Variants in GABRA5 observed in about 807,000 individuals in gnomAD.
GABRA5 encodes the protein gamma-aminobutyric acid type A receptor subunit alpha5, also known as gamma-aminobutyric acid receptor subunit alpha-5.
GABRA5 carries 18 observed loss-of-function variants against 47.3 expected under a neutral mutation model. The ratio of observed to expected loss-of-function variants is 0.38; its 90% CI spans 0.26 to 0.56. GABRA5 has a LOEUF of 0.56. GABRA5 is among the 20% of genes least tolerant of loss of function. The probability of loss-of-function intolerance (pLI) is 0.71; values close to 1 mark genes in which losing one functional copy is unlikely to be tolerated. For synonymous variants in GABRA5, 237 were observed against 229.3 expected (o/e 1.03, Z -0.30); for missense variants, 365 against 599.3 (o/e 0.61, Z 4.08).
intron 6 of GABRA5, among the ~76,000 whole-genome samples, chr15:26,909,242 G>A (rs1192451604): frequency 6.6e-6 from 1 of 152,108 alleles, no homozygotes; most frequent in Non-Finnish European, 1.5e-5. Context: ...CAGATTTCCT[G>A]CTCTGATTCT....
Position 26,867,750 on chromosome 15 carries a change from T to G in GABRA5, c.-140+639T>G, listed in dbSNP as rs1741180381. On this transcript the variant is annotated intron_variant, in intron 1 of 10. Transcript: ENST00000335625. This position sits in a 1 kb window ranked among gnomAD's most constrained non-coding sequence, Gnocchi z 5.9. ...AAAGCCAGCGTCAGCCCCGGGGCTC[T>G]GAGGCGCGCGGCGTCCCGGCGCTGC... 1 of 151,854 alleles carries G rather than the reference T, an allele frequency of 6.6e-6. No homozygotes were observed. The highest frequency in any genetic ancestry group is 1.5e-5 in the Non-Finnish European group (1 of 67,964). 9.4% of individuals were successfully genotyped at this position (151,854 alleles called of 1,614,324 possible).
intron 6 of GABRA5, among the ~76,000 whole-genome samples, chr15:26,913,182 C>CAAAAAA (rs34449696): frequency 8.7e-6 from 1 of 115,388 alleles, no homozygotes; most frequent in South Asian, 3.1e-4. Flanking sequence ...GACTCTGTCT[C>CAAAAAA]AAAAAAAAAA....
rs141074581 is a variant in GABRA5 at position 26,875,022 on chromosome 15, T to G, written c.86+5688T>G. On this transcript the variant is annotated intron_variant, in intron 3 of 10. Coordinates refer to ENST00000335625, the MANE Select transcript of GABRA5 (RefSeq NM_000810.4). ...TACTTCACCTGCCTGCAACTCAGTT[T>G]CTAATCTCAATGTGGGATTAATCAT... 2.4e-3 allele frequency among the ~76,000 whole-genome samples: 361 copies of G among 152,354 alleles called. 9 individuals are homozygous for G. The East Asian group carries it at 0.057, about 24-fold the overall frequency.
chr15:26,921,119 T>TATTGAA (rs1490053726), intron 7 of GABRA5, among the ~76,000 whole-genome samples: 4 of 152,172 alleles, frequency 2.6e-5, no homozygotes, highest in Non-Finnish European at 5.9e-5. Context: ...TTTGTTTTGG[T>TATTGAA]GCCAGGGTAA....
At position 26,883,159 on chromosome 15, in the gene GABRA5, C is replaced by T; in HGVS notation, c.209-7C>T. ...GTGCAGCCCAGGGACCTGTGTCTGT[C>T]TTTCAGAGCGCATCACTCAGGTGAG... On this transcript the variant is annotated splice_polypyrimidine_tract_variant and splice_region_variant and intron_variant, in intron 4 of 10. Transcript: ENST00000335625. The surrounding 1 kb of genome is among the most constrained non-coding windows in gnomAD (Gnocchi z 4.8). 2 of 1,613,408 alleles carry T rather than the reference C, an allele frequency of 1.2e-6. No homozygotes were observed. Among genetic ancestry groups the T allele is most frequent in the South Asian group, 2.2e-5 (2 of 91,068 alleles).
At chr15:26,929,335 TC>T (rs1405159217) in intron 7 of GABRA5, among the ~76,000 whole-genome samples, 2 of 152,124 alleles carry the variant, frequency 1.3e-5, no homozygotes, top group Non-Finnish European at 2.9e-5. Flanking sequence ...GCAGAGAAAG[TC>T]CAGAACCGAG....
At chr15:26,939,679 T>G in intron 8 of GABRA5, 1 of 595,696 alleles carries the variant, frequency 1.7e-6, no homozygotes, top group South Asian at 2.0e-5. Flanking sequence ...CACACAAATC[T>G]GATTTTCCCC....
chr15:26,933,277 G>C (rs1023335620), intron 7 of GABRA5, among the ~76,000 whole-genome samples: 1 of 152,084 alleles, frequency 6.6e-6, no homozygotes, highest in Admixed American at 6.6e-5. Context: ...ATGTAGAGGG[G>C]AAAAGAGGGA....
intron 6 of GABRA5, among the ~76,000 whole-genome samples, chr15:26,891,168 C>T (rs1892996682): frequency 6.6e-6 from 1 of 152,218 alleles, no homozygotes; most frequent in Non-Finnish European, 1.5e-5. Context: ...CTCGGGCACA[C>T]ATCTCACACA....
At chr15:26,896,528 A>G (rs1158368794) in intron 6 of GABRA5, among the ~76,000 whole-genome samples, 1 of 152,206 alleles carries the variant, frequency 6.6e-6, no homozygotes, top group African/African-American at 2.4e-5. Flanking sequence ...AATGTTTACT[A>G]GAAATAAACA....
intron 3 of GABRA5, among the ~76,000 whole-genome samples, chr15:26,874,761 T>C (rs1892552018): frequency 1.4e-5 from 2 of 144,308 alleles, no homozygotes; most frequent in Admixed American, 1.4e-4. Flanking sequence ...TGTATTTATT[T>C]AACAACTTAT....
chr15:26,931,795 C>T (rs1178856709), intron 7 of GABRA5, among the ~76,000 whole-genome samples: 2 of 152,126 alleles, frequency 1.3e-5, no homozygotes, highest in Non-Finnish European at 2.9e-5. Flanking sequence ...CAAATGGCCA[C>T]CGATCAGTTG....
intron 8 of GABRA5, among the ~76,000 whole-genome samples, chr15:26,938,186 C>T (rs551347350): frequency 1.4e-4 from 22 of 152,212 alleles, no homozygotes; most frequent in Non-Finnish European, 2.6e-4. Context: ...TGCACACACA[C>T]GCAGTCAGCA....
intron 3 of GABRA5, among the ~76,000 whole-genome samples, chr15:26,879,873 C>T (rs780845019): frequency 6.6e-6 from 1 of 152,200 alleles, no homozygotes; most frequent in Non-Finnish European, 1.5e-5. Context: ...CCAGGGCACT[C>T]GCTTCTTGGG....
chr15:26,898,441 G>A (rs550534369), intron 6 of GABRA5, among the ~76,000 whole-genome samples: 43 of 152,310 alleles, frequency 2.8e-4, no homozygotes, highest in African/African-American at 9.9e-4. Context: ...AAGAGTCTGC[G>A]TTGTTAAAAC....
At chr15:26,880,183 CT>C (rs1211004779) in intron 3 of GABRA5, among the ~76,000 whole-genome samples, 1 of 152,202 alleles carries the variant, frequency 6.6e-6, no homozygotes, top group East Asian at 1.9e-4. Context: ...GTTCTTGTGT[CT>C]TCCCTGAGGG....
At chr15:26,917,813 A>G (rs1893753091) in intron 7 of GABRA5, among the ~76,000 whole-genome samples, 1 of 151,950 alleles carries the variant, frequency 6.6e-6, no homozygotes, top group Non-Finnish European at 1.5e-5. Context: ...CTAGGAATTT[A>G]CCAATTTCTT....
chr15:26,945,402 T>C (rs1421165444), intron 10 of GABRA5, among the ~76,000 whole-genome samples: 2 of 152,182 alleles, frequency 1.3e-5, no homozygotes. Flanking sequence ...AAACACTGGG[T>C]CAGAGTTTGG....
In GABRA5 at chr15:26,867,117, AGCGGGCGCGAGT is replaced by A. The variant is rs930909892; in HGVS notation, c.-140+10_-140+21del. ...ACATGTGGCGCTCGGGCGAGGTGAGAGCGGGCGCGAGTGCGCCGGGGGCGCTGGGGGGCTCTG... is the reference window on the plus strand; with the variant it reads ...ACATGTGGCGCTCGGGCGAGGTGAGAGCGCCGGGGGCGCTGGGGGGCTCTG... On this transcript the variant is annotated splice_region_variant and intron_variant, in intron 1 of 10. Coordinates refer to ENST00000335625, the MANE Select transcript of GABRA5 (RefSeq NM_000810.4). The surrounding 1 kb of genome is among the most constrained non-coding windows in gnomAD (Gnocchi z 5.9). 1 of 151,680 alleles carries A rather than the reference AGCGGGCGCGAGT, an allele frequency of 6.6e-6. No homozygotes were observed. The highest frequency in any genetic ancestry group is 1.5e-5 in the Non-Finnish European group (1 of 67,922). 9.4% of individuals were successfully genotyped at this position (151,680 alleles called of 1,614,324 possible).
Sources: gnomAD v4.1 joint callset for allele counts (sites outside exome capture counted in the v4.1 genomes callset) on GRCh38, gnomAD v4.1.1 for gene constraint, Gnocchi (gnomAD v3.1) non-coding constraint, MANE v1.5 for transcripts, NCBI Gene and HGNC (gene_info 2026-07-23, HGNC 2026-07-21) for gene names.